MAD1L1: variants seen among roughly 807,000 people sequenced by gnomAD.
The protein encoded by MAD1L1 is mitotic arrest deficient 1 like 1.
MAD1L1 carries 95 observed loss-of-function variants against 96.9 expected under a neutral mutation model. The observed-to-expected ratio is 0.98, with a 90% CI of 0.83 to 1.16. The LOEUF is 1.16. Among genes scored for constraint, MAD1L1 ranks in the 50% most tolerant of loss-of-function variants. MAD1L1 has a pLI of 0.00. For synonymous variants in MAD1L1, 473 were observed against 396.6 expected, an observed-to-expected ratio of 1.19 and a Z score of -2.29; for missense variants, 1,007 against 954.4, an observed-to-expected ratio of 1.06 and a Z score of -0.73.
chr7:2,226,017 C>T (rs1584599705), intron 3 of MAD1L1, among the ~76,000 whole-genome samples: 1 of 152,192 alleles, frequency 6.6e-6, no homozygotes, highest in Non-Finnish European at 1.5e-5. Context: ...CTGCCCACAT[C>T]CCTTGCCACA....
chr7:2,104,176 G>T (rs2128552705), intron 11 of MAD1L1, among the ~76,000 whole-genome samples: 1 of 152,274 alleles, frequency 6.6e-6, no homozygotes, highest in South Asian at 2.1e-4. Context: ...CTCCATTTGG[G>T]GAACCAGGAC....
intron 18 of MAD1L1, among the ~76,000 whole-genome samples, chr7:1,897,187 G>A (rs1283710250): frequency 1.3e-5 from 2 of 152,270 alleles, no homozygotes; most frequent in Non-Finnish European, 1.5e-5. Context: ...GACAGGCAGC[G>A]GCTCACCGCT....
intron 11 of MAD1L1, among the ~76,000 whole-genome samples, chr7:2,086,584 G>A (rs3778953): frequency 0.054 from 8,164 of 152,180 alleles, 390 homozygotes; most frequent in African/African-American, 0.12. Context: ...ACAAAGTCTC[G>A]TTCTTGTCCC....
In MAD1L1 at chr7:1,954,923, A is replaced by G. The variant is rs147031629; in HGVS notation, c.1596+2706T>C. Among the ~76,000 whole-genome samples, 505 of 152,218 alleles carry G rather than the reference A, an allele frequency of 3.3e-3. 1 individual carries two copies. Among genetic ancestry groups the G allele is most frequent in the African/African-American group, 0.012 (482 of 41,534 alleles). Reference sequence around the variant, plus strand: ...ACAAGGGTGCACCCAGTCGGCCCTAATGAGTGTGTGGACAGCTCTGGGCTC... The same window carrying G: ...ACAAGGGTGCACCCAGTCGGCCCTAGTGAGTGTGTGGACAGCTCTGGGCTC... On this transcript the variant is annotated intron_variant, in intron 16 of 18. Transcript: ENST00000265854.
chr7:1,896,086 C>T (rs1216825580), intron 18 of MAD1L1, among the ~76,000 whole-genome samples: 1 of 152,224 alleles, frequency 6.6e-6, no homozygotes, highest in East Asian at 1.9e-4. Flanking sequence ...CTGGGGCGAG[C>T]AGGGCTGGGG....
chr7:1,998,337 G>A (rs1197808053), intron 14 of MAD1L1, among the ~76,000 whole-genome samples: 3 of 152,220 alleles, frequency 2.0e-5, no homozygotes, highest in African/African-American at 7.2e-5. Flanking sequence ...GCTCCGAGGC[G>A]TCCGTGCCTC....
chr7:2,077,286 CT>C (rs1785425385), intron 11 of MAD1L1, among the ~76,000 whole-genome samples: 1 of 152,194 alleles, frequency 6.6e-6, no homozygotes, highest in African/African-American at 2.4e-5. Flanking sequence ...CTAAAAGCAC[CT>C]TTATTCTTAG....
chr7:2,139,715 C>A (rs1016266370), intron 11 of MAD1L1, among the ~76,000 whole-genome samples: 1 of 152,230 alleles, frequency 6.6e-6, no homozygotes, highest in Admixed American at 6.5e-5. Context: ...CTTCGGCAGA[C>A]CCCCGTCCAG....
At chr7:2,110,060 T>G (rs1285519028) in intron 11 of MAD1L1, among the ~76,000 whole-genome samples, 1 of 152,242 alleles carries the variant, frequency 6.6e-6, no homozygotes, top group African/African-American at 2.4e-5. Context: ...TCCAGGAGGC[T>G]CCGGCTCAAA....
rs1455439761 is a variant in MAD1L1, at chr7:2,103,006, C to T, written c.1074-33668G>A. Among the ~76,000 whole-genome samples the T allele has an allele frequency of 6.6e-6, 1 of 152,244 alleles. No homozygotes were observed. Among genetic ancestry groups the T allele is most frequent in the African/African-American group, 2.4e-5 (1 of 41,460 alleles). ...CCCTCTCAGGACATCAGCTCCACAA[C>T]TCAGAGGAGGCAGCCTCCGTGATGC... is the stretch of plus-strand genomic sequence containing the variant. On this transcript the variant is annotated intron_variant, in intron 11 of 18. Coordinates refer to ENST00000265854, the MANE Select transcript of MAD1L1 (RefSeq NM_001013836.2). The surrounding 1 kb of genome is among the most constrained non-coding windows in gnomAD (Gnocchi z 4.3).
chr7:1,935,041 C>T (rs1217378413), intron 17 of MAD1L1, among the ~76,000 whole-genome samples: 5 of 151,680 alleles, frequency 3.3e-5, no homozygotes, highest in Non-Finnish European at 5.9e-5. Flanking sequence ...AAACCCGAGA[C>T]GGGCAGAGAC....
chr7:1,921,714 G>T (rs903647285), intron 17 of MAD1L1, among the ~76,000 whole-genome samples: 1 of 152,046 alleles, frequency 6.6e-6, no homozygotes, highest in African/African-American at 2.4e-5. Flanking sequence ...AAAAACAAAA[G>T]ATCTGAATAC....
intron 18 of MAD1L1, among the ~76,000 whole-genome samples, chr7:1,831,440 C>T (rs1221085390): frequency 3.9e-5 from 6 of 152,100 alleles, no homozygotes; most frequent in Non-Finnish European, 7.4e-5. Context: ...GAGACACGAC[C>T]GTCACAACAA....
At chr7:1,946,837 C>G (rs1029112989) in intron 16 of MAD1L1, among the ~76,000 whole-genome samples, 3 of 152,224 alleles carry the variant, frequency 2.0e-5, no homozygotes, top group Admixed American at 2.0e-4. Flanking sequence ...AGAGAGGGTG[C>G]GGGTGCTCCC....
chr7:2,209,620 A>T (rs1372668255), intron 10 of MAD1L1, among the ~76,000 whole-genome samples: 2 of 152,220 alleles, frequency 1.3e-5, no homozygotes, highest in Non-Finnish European at 2.9e-5. Flanking sequence ...ACCCAAGGGA[A>T]GCTGCTGTGG....
chr7:1,919,134 C>A (rs115240855), intron 17 of MAD1L1, among the ~76,000 whole-genome samples: 2,371 of 152,350 alleles, frequency 0.016, 55 homozygotes, highest in African/African-American at 0.055. Context: ...ACCCTTGGTG[C>A]GGGGACAGAC....
At position 2,107,941 on chromosome 7, in the gene MAD1L1, C is replaced by A. The variant is rs576585737; in HGVS notation, c.1074-38603G>T. ...CGGGCTGTGACACCATAGCTCTCCA[C>A]AGAAGAGTCCAGGCAGGGGACAGGA... On this transcript the variant is annotated intron_variant, in intron 11 of 18. Transcript: ENST00000265854. Among the ~76,000 whole-genome samples, 3 of 152,208 alleles carry A rather than the reference C, an allele frequency of 2.0e-5. No homozygotes were observed. In the South Asian group the frequency reaches 6.2e-4, roughly 32 times the overall value.
chr7:2,079,279 C>G (rs1232536799), intron 11 of MAD1L1, among the ~76,000 whole-genome samples: 2 of 152,202 alleles, frequency 1.3e-5, no homozygotes, highest in African/African-American at 4.8e-5. Flanking sequence ...ACATCAGGCT[C>G]AGCGTGGCAC....
intron 10 of MAD1L1, among the ~76,000 whole-genome samples, chr7:2,165,476 C>T (rs894470519): frequency 2.6e-5 from 4 of 152,108 alleles, no homozygotes; most frequent in Non-Finnish European, 5.9e-5. Flanking sequence ...CTCTGGGATG[C>T]GAGCCACCAT....
Sources: gnomAD v4.1 joint callset for allele counts (sites outside exome capture counted in the v4.1 genomes callset) on GRCh38, gnomAD v4.1.1 for gene constraint, Gnocchi (gnomAD v3.1) non-coding constraint, MANE v1.5 for transcripts, NCBI Gene and HGNC (gene_info 2026-07-23, HGNC 2026-07-21) for gene names.